FHOD3: variants seen among roughly 807,000 people sequenced by gnomAD.
FHOD3 encodes formin homology 2 domain containing 3.
A neutral mutation model predicts 173.0 loss-of-function variants in FHOD3; 90 were observed. The ratio of observed to expected loss-of-function variants is 0.52; its 90% CI spans 0.44 to 0.62. FHOD3 has a LOEUF of 0.62. Ranked by LOEUF, FHOD3 falls within the 20% of genes least tolerant of loss-of-function variation. The pLI is 0.00. For missense variants in FHOD3, 1,945 were observed against 2,034.7 expected (o/e 0.96, Z 0.85); for synonymous variants, 828 against 823.0 (o/e 1.01, Z -0.10).
chr18:36,683,530 C>T (rs1342888233), intron 15 of FHOD3, among the ~76,000 whole-genome samples: 1 of 152,130 alleles, frequency 6.6e-6, no homozygotes, highest in Non-Finnish European at 1.5e-5. Flanking sequence ...TTTTACAAAA[C>T]CAGTGAGAGT....
In FHOD3 at chr18:36,444,006, C is replaced by T. The variant is rs374708217; in HGVS notation, c.338-57926C>T. 2.0e-3 allele frequency among the ~76,000 whole-genome samples: 308 copies of T among 151,962 alleles called. 4 individuals carry two copies. The highest frequency in any genetic ancestry group is 6.7e-3 in the African/African-American group (279 of 41,456). ...AGATCACGAGGTCAGGAGATTGAGA[C>T]CATGGTGAAACCCCGTCTCTACTAA... is the stretch of plus-strand genomic sequence containing the variant. On this transcript the variant is annotated intron_variant, in intron 3 of 28. Transcript: ENST00000590592.
intron 3 of FHOD3, among the ~76,000 whole-genome samples, chr18:36,384,483 A>G (rs2047932720): frequency 6.6e-6 from 1 of 151,748 alleles, no homozygotes; most frequent in African/African-American, 2.4e-5. Flanking sequence ...AAGAAAGAGA[A>G]TCACTTGAAC....
chr18:36,566,173 G>A (rs572829059), intron 5 of FHOD3, among the ~76,000 whole-genome samples: 18 of 152,298 alleles, frequency 1.2e-4, no homozygotes, highest in African/African-American at 2.2e-4. Flanking sequence ...GGAAGAGATC[G>A]TCTTTCAACT....
chr18:36,734,383 C>G (rs2041526506), intron 20 of FHOD3, among the ~76,000 whole-genome samples: 1 of 151,926 alleles, frequency 6.6e-6, no homozygotes, highest in African/African-American at 2.4e-5. Context: ...CACCTACCCT[C>G]CCCCCACAAC....
chr18:36,776,824 T>C (rs904608189), intron 28 of FHOD3, among the ~76,000 whole-genome samples: 10 of 152,290 alleles, frequency 6.6e-5, no homozygotes, highest in African/African-American at 2.4e-4. Flanking sequence ...CTCTGTGCTG[T>C]CAGGTAGCAA....
Position 36,586,750 on chromosome 18 carries a change from G to T in FHOD3, c.607-8037G>T, listed in dbSNP as rs574570853. 3.6e-4 allele frequency among the ~76,000 whole-genome samples: 55 copies of T among 152,266 alleles called. 1 individual carries two copies. In the South Asian group the frequency reaches 0.011, roughly 30 times the overall value. Reference sequence around the variant, plus strand: ...CCACCTCGGCCCCGCAAAGTGCTGGGATTACAGACATGAGCCACCGTGCCT... The same window carrying T: ...CCACCTCGGCCCCGCAAAGTGCTGGTATTACAGACATGAGCCACCGTGCCT... On this transcript the variant is annotated intron_variant, in intron 6 of 28. Transcript: ENST00000590592.
intron 5 of FHOD3, among the ~76,000 whole-genome samples, chr18:36,546,803 T>G (rs954400188): frequency 6.6e-5 from 10 of 152,136 alleles, no homozygotes; most frequent in African/African-American, 2.2e-4. Context: ...CGTGTGGAGT[T>G]TAGCAGGAAT....
At chr18:36,323,565 C>T (rs930382053) in intron 1 of FHOD3, among the ~76,000 whole-genome samples, 1 of 152,190 alleles carries the variant, frequency 6.6e-6, no homozygotes, top group Admixed American at 6.5e-5. Context: ...GAGGACTTCT[C>T]ACCAGATTAC....
At chr18:36,439,106 G>C (rs1201238721) in intron 3 of FHOD3, among the ~76,000 whole-genome samples, 2 of 152,190 alleles carry the variant, frequency 1.3e-5, no homozygotes, top group Non-Finnish European at 2.9e-5. Context: ...AAAAAAAACA[G>C]TACAGCATCT....
intron 5 of FHOD3, among the ~76,000 whole-genome samples, chr18:36,529,795 G>A (rs1161817167): frequency 1.3e-5 from 2 of 152,080 alleles, no homozygotes; most frequent in Admixed American, 6.5e-5. Flanking sequence ...GTGAGACTCT[G>A]TCTCAAAAAA....
chr18:36,409,206 G>A (rs754595348), intron 3 of FHOD3, among the ~76,000 whole-genome samples: 10 of 152,142 alleles, frequency 6.6e-5, no homozygotes, highest in Non-Finnish European at 1.5e-4. Context: ...GGGTGAAGGG[G>A]CATGCACATC....
At chr18:36,452,089 C>T (rs1283611369) in intron 3 of FHOD3, among the ~76,000 whole-genome samples, 4 of 152,156 alleles carry the variant, frequency 2.6e-5, no homozygotes, top group South Asian at 2.1e-4. Flanking sequence ...TGACCGGCCA[C>T]GTCATAAGCT....
chr18:36,764,987 G>T (rs1600627496), intron 27 of FHOD3, among the ~76,000 whole-genome samples: 1 of 152,190 alleles, frequency 6.6e-6, no homozygotes, highest in South Asian at 2.1e-4. Flanking sequence ...TATGGTAGTG[G>T]AGTGACTCTA....
intron 3 of FHOD3, among the ~76,000 whole-genome samples, chr18:36,448,198 T>C (rs962848810): frequency 6.6e-6 from 1 of 152,116 alleles, no homozygotes; most frequent in Non-Finnish European, 1.5e-5. Flanking sequence ...AAGGCAAGTG[T>C]GAGTACACTT....
At chr18:36,629,155 G>A (rs1353457538) in intron 10 of FHOD3, among the ~76,000 whole-genome samples, 1 of 152,186 alleles carries the variant, frequency 6.6e-6, no homozygotes, top group East Asian at 1.9e-4. Context: ...AGTGCCACGT[G>A]CCTCAGCAGC....
intron 18 of FHOD3, among the ~76,000 whole-genome samples, chr18:36,712,715 C>A (rs1213011164): frequency 6.6e-6 from 1 of 151,864 alleles, no homozygotes; most frequent in Non-Finnish European, 1.5e-5. Context: ...AAATAATGGA[C>A]CAAAACTTCT....
intron 5 of FHOD3, among the ~76,000 whole-genome samples, chr18:36,540,187 G>A: frequency 6.6e-6 from 1 of 152,194 alleles, no homozygotes; most frequent in East Asian, 1.9e-4. Context: ...AATTCAGCCA[G>A]GTTCCAATTA....
intron 3 of FHOD3, among the ~76,000 whole-genome samples, chr18:36,416,579 A>G (rs1353104720): frequency 6.6e-6 from 1 of 152,056 alleles, no homozygotes; most frequent in Non-Finnish European, 1.5e-5. Context: ...CTTATTAAGG[A>G]TATGTAATTT....
At chr18:36,660,931 C>T (rs148726122) in intron 14 of FHOD3, among the ~76,000 whole-genome samples, 31 of 152,314 alleles carry the variant, frequency 2.0e-4, no homozygotes, top group Admixed American at 1.2e-3. Flanking sequence ...ACTCTATCCA[C>T]GAGCGAGTAC....
Sources: allele counts gnomAD v4.1 joint callset (sites outside exome capture counted in the v4.1 genomes callset), GRCh38; gene constraint gnomAD v4.1.1; transcripts MANE v1.5; gene names NCBI Gene and HGNC (gene_info 2026-07-23, HGNC 2026-07-21).